Variants in SCUBE1 observed in about 807,000 individuals in gnomAD.
SCUBE1 encodes signal peptide, CUB and EGF-like domain-containing protein 1.
Under a neutral mutation model 124.4 loss-of-function variants are expected in SCUBE1, and 59 were observed. The observed-to-expected ratio is 0.47, with a 90% confidence interval of 0.38 to 0.59. SCUBE1 has a LOEUF of 0.59. Among genes scored for constraint, SCUBE1 ranks in the 20% least tolerant of loss-of-function variants. The pLI is 0.00. For synonymous variants in SCUBE1, 545 were observed against 550.9 expected, an observed-to-expected ratio of 0.99 and a Z score of 0.15; for missense variants, 1,150 against 1,371.2, an observed-to-expected ratio of 0.84 and a Z score of 2.55.
At chr22:43,271,448 G>A (rs535079269) in intron 4 of SCUBE1, among the ~76,000 whole-genome samples, 1 of 152,314 alleles carries the variant, frequency 6.6e-6, no homozygotes, top group East Asian at 1.9e-4. Flanking sequence ...GATTTGGACT[G>A]TGTCGGAACA....
chr22:43,230,915 C>T (rs973986983), intron 8 of SCUBE1, among the ~76,000 whole-genome samples: 2 of 152,188 alleles, frequency 1.3e-5, no homozygotes, highest in Admixed American at 6.5e-5. Flanking sequence ...CAGCCTGGTA[C>T]CCAGACAAGG....
chr22:43,237,074 G>A (rs1318684334), intron 7 of SCUBE1, among the ~76,000 whole-genome samples: 1 of 139,834 alleles, frequency 7.2e-6, no homozygotes, highest in African/African-American at 2.6e-5. Context: ...AAAGGGCCCC[G>A]ACCGCTTGAA....
At chr22:43,220,645 A>G in intron 13 of SCUBE1, 58 bp from the exon 14 acceptor site, 1 of 1,587,636 alleles carries the variant, frequency 6.3e-7, no homozygotes, top group Non-Finnish European at 8.6e-7. Context: ...GCAAGGTCCT[A>G]CCAAGCCCTG....
At chr22:43,284,026 T>C (rs1601858366) in intron 4 of SCUBE1, among the ~76,000 whole-genome samples, 2 of 152,194 alleles carry the variant, frequency 1.3e-5, no homozygotes, top group African/African-American at 4.8e-5. Context: ...TGCTCTAAAG[T>C]TCAGGCAGTC....
chr22:43,210,369 C>T lies in SCUBE1; in HGVS notation c.2384-129G>A. On this transcript the variant is annotated intron_variant, in intron 18 of 21. Coordinates refer to ENST00000360835, the MANE Select transcript of SCUBE1 (RefSeq NM_173050.5). The surrounding 1 kb of genome is among the most constrained non-coding windows in gnomAD (Gnocchi z 4.5). ...TGCTCTTGTCCCCCCCCACACTAGC[C>T]CTCGGACCCTGAGCCCATCCTCCTT... 1 of 745,918 alleles carries T rather than the reference C, an allele frequency of 1.3e-6. No homozygotes were observed. Among genetic ancestry groups the T allele is most frequent in the Non-Finnish European group, 2.0e-6 (1 of 497,876 alleles). 46.2% of individuals were successfully genotyped at this position (745,918 alleles called of 1,614,324 possible).
In SCUBE1 at chr22:43,343,357, C is replaced by T. The variant is rs1198651283; in HGVS notation, c.-96G>A. ...AGGCGCTGCTCGCTGCTCGCCGCTC[C>T]GCCACCGCTCGGGCTCCCGAGCCGC... On this transcript the variant is annotated 5_prime_UTR_variant, in exon 1 of 22. Coordinates refer to ENST00000360835, the MANE Select transcript of SCUBE1 (RefSeq NM_173050.5). 2 of 522,132 alleles carry T rather than the reference C, an allele frequency of 3.8e-6. No homozygotes were observed. Among genetic ancestry groups the T allele is most frequent in the South Asian group, 8.4e-5 (1 of 11,890 alleles). 32.3% of individuals were successfully genotyped at this position (522,132 alleles called of 1,614,324 possible). A position where few individuals can be genotyped will look rare whatever the true frequency, so the allele number is the denominator to read the frequency against.
intron 2 of SCUBE1, among the ~76,000 whole-genome samples, chr22:43,335,754 ATGATGATGATGG>A (rs1455581312): frequency 2.7e-5 from 4 of 149,432 alleles, no homozygotes; most frequent in Admixed American, 6.7e-5. Context: ...GATGATGATG[ATGATGATGATGG>A]TGATGATGAT....
chr22:43,259,850 A>G (rs901435346), intron 5 of SCUBE1, among the ~76,000 whole-genome samples: 1 of 152,174 alleles, frequency 6.6e-6, no homozygotes, highest in African/African-American at 2.4e-5. Flanking sequence ...TTCCAGAAAC[A>G]CAACTGGGCT....
In SCUBE1 at chr22:43,319,688, G is replaced by A. The variant is rs148758222; in HGVS notation, c.349+249C>T. On this transcript the variant is annotated intron_variant, in intron 3 of 21. Coordinates refer to ENST00000360835, the MANE Select transcript of SCUBE1 (RefSeq NM_173050.5). ...GGTAGCCACCTGCAAGCCTGACAGA[G>A]GAGCGGGCCCTCCGAAAAACCAACC... Among the ~76,000 whole-genome samples the A allele has an allele frequency of 7.3e-3, 1,109 of 152,094 alleles. 12 individuals are homozygous for A. The highest frequency in any genetic ancestry group is 9.6e-3 in the Non-Finnish European group (655 of 68,010).
chr22:43,262,645 G>C, intron 5 of SCUBE1, 75 bp downstream of exon 5: 1 of 1,572,532 alleles, frequency 6.4e-7, no homozygotes, highest in Non-Finnish European at 8.7e-7. Flanking sequence ...AAGTCCAGCA[G>C]ACTGGACAGA....
In SCUBE1 at chr22:43,214,193, C is replaced by T. The variant is rs2063156424; in HGVS notation, c.1950G>A (p.Met650Ile). The T allele has an allele frequency of 6.2e-7, 1 of 1,613,150 alleles. No individual in the cohort carries two copies. The highest frequency in any genetic ancestry group is 8.5e-7 in the Non-Finnish European group (1 of 1,179,924). ...CTTCCATGTCCTGGTATGTTCCTGGCATACATGACACACACTGGCCGAGCT... is the reference window on the plus strand; with the variant it reads ...CTTCCATGTCCTGGTATGTTCCTGGTATACATGACACACACTGGCCGAGCT... ...GGELGQCVSC[M>I]PGTYQDMEGQ... The change falls in exon 16 of 22, where the codon ATG (methionine) becomes ATA (isoleucine). Residue 650 changes from methionine to isoleucine, a missense_variant. Physicochemically the swap from Met to Ile is conservative, Grantham distance 10. Around this residue, in one of 3 missense-constraint regions of SCUBE1, gnomAD observed 757 missense variants for 840.9 expected, o/e 0.90. Transcript: ENST00000360835.
At chr22:43,208,916 TGGGGG>T in intron 19 of SCUBE1, among the ~76,000 whole-genome samples, 2 of 150,766 alleles carry the variant, frequency 1.3e-5, no homozygotes, top group African/African-American at 4.9e-5. Context: ...CACGGCTCCC[TGGGGG>T]CCTTCCCGAG....
intron 6 of SCUBE1, among the ~76,000 whole-genome samples, chr22:43,251,940 G>A (rs754665549): frequency 8.5e-5 from 13 of 152,132 alleles, no homozygotes; most frequent in Non-Finnish European, 1.2e-4. Flanking sequence ...GCAGGGTCCC[G>A]GGGCCTGAGG....
At chr22:43,217,554 C>T (rs907454329) in intron 15 of SCUBE1, among the ~76,000 whole-genome samples, 5 of 152,186 alleles carry the variant, frequency 3.3e-5, no homozygotes, top group African/African-American at 9.7e-5. Context: ...CATGAGCCTG[C>T]GTCCTTGCTC....
rs573582350 is a variant in SCUBE1 at position 43,228,968 on chromosome 22, C to T, written c.1084+104G>A. The T allele has an allele frequency of 1.6e-3, 1,326 of 827,018 alleles. 2 individuals carry two copies. Among genetic ancestry groups the T allele is most frequent in the South Asian group, 2.7e-3 (184 of 67,738 alleles). The allele number at this position is 827,018 out of a possible 1,614,324, so 51.2% of individuals were successfully genotyped here. A position where few individuals can be genotyped will look rare whatever the true frequency, so the allele number is the denominator to read the frequency against. ...CCATCCTTGCTGAGGCCTCAGGCCC[C>T]CCAGGGTTGAGGGCAGGGTTGGGAT... On this transcript the variant is annotated intron_variant, in intron 9 of 21. Transcript: ENST00000360835.
chr22:43,223,054 C>A, intron 11 of SCUBE1, 43 bp downstream of exon 11: 1 of 1,498,014 alleles, frequency 6.7e-7, no homozygotes, highest in South Asian at 1.4e-5. Flanking sequence ...GGGAGGAAGA[C>A]CCCCCTGCCA....
In SCUBE1 at chr22:43,210,120, C is replaced by T. The variant is rs746589781; in HGVS notation, c.2504G>A (p.Arg835Lys). Residue 835 changes from arginine to lysine, a missense_variant, in exon 19 of 22, where the codon AGG (arginine) becomes AAG (lysine). By Grantham distance (26) the Arg-to-Lys change is conservative. Coordinates refer to ENST00000360835, the MANE Select transcript of SCUBE1 (RefSeq NM_173050.5). This position sits in a 1 kb window ranked among gnomAD's most constrained non-coding sequence, Gnocchi z 4.5. ...VWHIAPPPKR[R>K]ILIVVPEIFL... is the part of the protein sequence containing the mutation. ...GATCTCAGGGACCACGATGAGGATCCTGCGCTTTGGGGGAGGCGCGATGTG... is the reference window on the plus strand; with the variant it reads ...GATCTCAGGGACCACGATGAGGATCTTGCGCTTTGGGGGAGGCGCGATGTG... 16 of 1,612,838 alleles carry T rather than the reference C, an allele frequency of 9.9e-6. No individual in the cohort carries two copies. Among genetic ancestry groups the T allele is most frequent in the Non-Finnish European group, 1.4e-5 (16 of 1,179,668 alleles).
At chr22:43,316,493 G>A (rs966190996) in intron 3 of SCUBE1, among the ~76,000 whole-genome samples, 3 of 152,216 alleles carry the variant, frequency 2.0e-5, no homozygotes, top group African/African-American at 7.2e-5. Context: ...GATTAAATGA[G>A]ATAACTCTTG....
intron 3 of SCUBE1, among the ~76,000 whole-genome samples, chr22:43,311,742 C>T (rs969902975): frequency 6.6e-6 from 1 of 152,042 alleles, no homozygotes; most frequent in East Asian, 1.9e-4. Flanking sequence ...ATAGCACTTT[C>T]TACCCTTCAT....
Sources: allele counts gnomAD v4.1 joint callset (sites outside exome capture counted in the v4.1 genomes callset), GRCh38; gene constraint gnomAD v4.1.1; regional missense constraint gnomAD v4.1.1; non-coding constraint Gnocchi (gnomAD v3.1); transcripts MANE v1.5; gene names NCBI Gene and HGNC (gene_info 2026-07-23, HGNC 2026-07-21).